Variants in SEMA3A observed in about 807,000 individuals in gnomAD.
SEMA3A encodes semaphorin-3A.
In SEMA3A, 29 loss-of-function variants were observed where a neutral mutation model predicts 97.9. The ratio of observed to expected loss-of-function variants is 0.30; its 90% CI spans 0.22 to 0.40. The LOEUF (loss-of-function observed/expected upper bound fraction) is 0.40. Among genes scored for constraint, SEMA3A ranks in the 10% least tolerant of loss-of-function variants. The pLI is 1.00. For missense variants in SEMA3A, 763 were observed against 951.3 expected (o/e 0.80, Z 2.60); for synonymous variants, 321 against 323.7 (o/e 0.99, Z 0.09).
intron 12 of SEMA3A, among the ~76,000 whole-genome samples, chr7:83,994,628 C>T (rs6963653): frequency 3.5e-5 from 5 of 141,128 alleles, no homozygotes; most frequent in African/African-American, 1.4e-4. Context: ...TAGGCTGCTC[C>T]GGGATCAGGG....
intron 1 of SEMA3A, among the ~76,000 whole-genome samples, chr7:84,378,197 A>G (rs1421202406): frequency 6.6e-6 from 1 of 152,142 alleles, no homozygotes; most frequent in African/African-American, 2.4e-5. Context: ...TCTATGATCA[A>G]TATAATTATA....
chr7:83,972,809 C>A (rs1255850927), intron 15 of SEMA3A, among the ~76,000 whole-genome samples: 6 of 152,112 alleles, frequency 3.9e-5, no homozygotes, highest in Non-Finnish European at 8.8e-5. Flanking sequence ...CTATTTCAAA[C>A]CTCTTCTTAT....
chr7:84,004,274 A>T lies in SEMA3A; in HGVS notation c.1360+1065T>A, dbSNP rs1344632777. 3.3e-5 allele frequency among the ~76,000 whole-genome samples: 5 copies of T among 152,100 alleles called. No individual in the cohort carries two copies. In the East Asian group the frequency reaches 9.6e-4, roughly 29 times the overall value. ...CTATTAAAAAGAGCTGGGAAAAAAT[A>T]AAATAATATATCATAATAACAATGG... On this transcript the variant is annotated intron_variant, in intron 11 of 16. Transcript: ENST00000265362.
chr7:84,379,235 A>AT (rs1803193628), intron 1 of SEMA3A, among the ~76,000 whole-genome samples: 1 of 151,906 alleles, frequency 6.6e-6, no homozygotes, highest in East Asian at 1.9e-4. Flanking sequence ...CCGTGACAAT[A>AT]TTTTTAATTA....
At chr7:84,415,202 C>G (rs1217208970) in intron 1 of SEMA3A, among the ~76,000 whole-genome samples, 1 of 151,954 alleles carries the variant, frequency 6.6e-6, no homozygotes, top group African/African-American at 2.4e-5. Flanking sequence ...AGAAATCTAC[C>G]AGGTGACCTC....
intron 1 of SEMA3A, among the ~76,000 whole-genome samples, chr7:84,458,646 C>T (rs2527537): frequency 0.14 from 21,536 of 151,886 alleles, 3,128 homozygotes; most frequent in African/African-American, 0.36. Flanking sequence ...CCTCCCACCT[C>T]TCTGCCTCGT....
In SEMA3A at chr7:84,352,100, C is replaced by A. The variant is rs192675997; in HGVS notation, c.-169+19724G>T. Among the ~76,000 whole-genome samples the A allele has an allele frequency of 4.0e-4, 61 of 150,640 alleles. No individual in the cohort carries two copies. In the Middle Eastern group the frequency reaches 0.01, roughly 26 times the overall value. On this transcript the variant is annotated intron_variant, in intron 2 of 3. Transcript: ENST00000424555. ...AACAACATGGATGGAACTGGAGGAC[C>A]TTTTGTTAAGTGAAATAAGCCAGGC... is the stretch of plus-strand genomic sequence containing the variant.
Position 84,406,453 on chromosome 7 carries a change from C to T in SEMA3A, c.-245-34553G>A, listed in dbSNP as rs1203188782. Among the ~76,000 whole-genome samples the T allele has an allele frequency of 3.3e-5, 5 of 152,244 alleles. No individual in the cohort carries two copies. The East Asian group carries it at 5.8e-4, about 18-fold the overall frequency. On this transcript the variant is annotated intron_variant, in intron 1 of 3. Transcript: ENST00000424555. ...GTCCAGGACAAGATGGATTCACAGC[C>T]GAATTCTACCAGAGGTACAAAGAGG...
chr7:83,968,512 A>G (rs1390745544), intron 15 of SEMA3A, among the ~76,000 whole-genome samples: 2 of 152,122 alleles, frequency 1.3e-5, no homozygotes, highest in Admixed American at 6.5e-5. Context: ...TTTATTTTGA[A>G]ATGGACTTTG....
At chr7:84,022,937 G>A (rs1791383493) in intron 6 of SEMA3A, among the ~76,000 whole-genome samples, 1 of 152,156 alleles carries the variant, frequency 6.6e-6, no homozygotes, top group Admixed American at 6.6e-5. Flanking sequence ...GTGAAGCATG[G>A]AATCTTTAGT....
chr7:84,424,679 A>T (rs1804724183), intron 1 of SEMA3A, among the ~76,000 whole-genome samples: 1 of 89,616 alleles, frequency 1.1e-5, no homozygotes, highest in East Asian at 3.8e-4. Flanking sequence ...TATATAATAT[A>T]TAAATATATA....
At chr7:84,357,455 G>T (rs1176845679) in intron 2 of SEMA3A, among the ~76,000 whole-genome samples, 3 of 151,996 alleles carry the variant, frequency 2.0e-5, no homozygotes, top group African/African-American at 7.2e-5. Flanking sequence ...TCCCTACAAA[G>T]GACATGAACT....
At chr7:84,314,169 G>A (rs1303523571) in intron 2 of SEMA3A, among the ~76,000 whole-genome samples, 1 of 151,914 alleles carries the variant, frequency 6.6e-6, no homozygotes, top group Non-Finnish European at 1.5e-5. Context: ...CTATATCCTA[G>A]ACATTTTAAT....
At chr7:84,462,388 G>C (rs1285497598) in intron 1 of SEMA3A, among the ~76,000 whole-genome samples, 2 of 152,040 alleles carry the variant, frequency 1.3e-5, no homozygotes, top group African/African-American at 4.8e-5. Context: ...TGTGACTTCT[G>C]GAGTCTTCCC....
In SEMA3A at chr7:83,981,179, C is replaced by T. The variant is rs543933880; in HGVS notation, c.1652+142G>A. ...TTTGAAGAGAAGAGAAAAAACAAAACGCAACAATCCCCTCCATCTGCTCCC... is the reference window on the plus strand; with the variant it reads ...TTTGAAGAGAAGAGAAAAAACAAAATGCAACAATCCCCTCCATCTGCTCCC... On this transcript the variant is annotated intron_variant, in intron 14 of 16. Transcript: ENST00000265362. 1.7e-4 allele frequency: 141 copies of T among 846,786 alleles called. 1 individual carries two copies. Among genetic ancestry groups the T allele is most frequent in the East Asian group, 1.7e-3 (60 of 36,144 alleles). 52.5% of individuals were successfully genotyped at this position (846,786 alleles called of 1,614,324 possible).
At chr7:84,177,043 G>A (rs1349182278) in intron 1 of SEMA3A, among the ~76,000 whole-genome samples, 3 of 152,072 alleles carry the variant, frequency 2.0e-5, no homozygotes, top group African/African-American at 7.2e-5. Flanking sequence ...AAAATGTTGA[G>A]AAAATGCCTT....
At chr7:84,019,729 TA>T (rs11454772) in intron 6 of SEMA3A, among the ~76,000 whole-genome samples, 16 of 151,574 alleles carry the variant, frequency 1.1e-4, no homozygotes, top group African/African-American at 2.9e-4. Flanking sequence ...AACTATCAAA[TA>T]AAAAAAATAG....
intron 1 of SEMA3A, among the ~76,000 whole-genome samples, chr7:84,185,892 T>G (rs765481179): frequency 6.6e-6 from 1 of 152,006 alleles, no homozygotes; most frequent in South Asian, 2.1e-4. Context: ...TGTAGATAAA[T>G]TCCAAAAAAG....
intron 6 of SEMA3A, among the ~76,000 whole-genome samples, chr7:84,034,469 T>G (rs1401418942): frequency 6.6e-6 from 1 of 152,194 alleles, no homozygotes; most frequent in Non-Finnish European, 1.5e-5. Context: ...CAACTAACTT[T>G]TTGCAGAATA....
Sources: allele counts gnomAD v4.1 joint callset (sites outside exome capture counted in the v4.1 genomes callset), GRCh38; gene constraint gnomAD v4.1.1; transcripts MANE v1.5; gene names NCBI Gene and HGNC (gene_info 2026-07-23, HGNC 2026-07-21).